SPTBN4: variants seen among roughly 807,000 people sequenced by gnomAD.
SPTBN4 encodes the protein spectrin beta, non-erythrocytic 4.
A neutral mutation model predicts 277.8 loss-of-function variants in SPTBN4; 96 were observed. The ratio of observed to expected loss-of-function variants is 0.35; its 90% CI spans 0.29 to 0.41. SPTBN4 has a LOEUF of 0.41. SPTBN4 is among the 10% of genes least tolerant of loss of function. The pLI is 1.00. For missense variants in SPTBN4, 3,006 were observed against 3,595.7 expected (o/e 0.84, Z 4.19); for synonymous variants, 1,481 against 1,580.3 (o/e 0.94, Z 1.49).
rs1382023910 is a variant in SPTBN4 at position 40,499,563 on chromosome 19, A to G, written c.784+1959A>G. The stretch of plus-strand genomic sequence containing the variant: ...CACGACCATGCTCAGCTAATTTTTG[A>G]TTTTTTTTTTTTTGGTAGAGGTGGG... On this transcript the variant is annotated intron_variant, in intron 7 of 35. Coordinates refer to ENST00000598249, the MANE Select transcript of SPTBN4 (RefSeq NM_020971.3). Among the ~76,000 whole-genome samples the G allele has an allele frequency of 2.1e-5, 3 of 140,556 alleles. No homozygotes were observed. In the East Asian group the frequency reaches 6.3e-4, roughly 29 times the overall value. 92.2% of individuals were successfully genotyped at this position (140,556 alleles called of 152,430 possible).
At chr19:40,469,832 C>T (rs943072886) in intron 1 of SPTBN4, among the ~76,000 whole-genome samples, 5 of 145,968 alleles carry the variant, frequency 3.4e-5, no homozygotes, top group African/African-American at 5.1e-5. Context: ...TTAGTAGAGG[C>T]GGGGTTTCAC....
rs776989389 is a variant in SPTBN4, at chr19:40,568,271, C to A, written c.6945C>A (p.Asp2315Glu). The A allele has an allele frequency of 1.2e-6, 2 of 1,605,028 alleles. No homozygotes were observed. The highest frequency in any genetic ancestry group is 1.7e-6 in the Non-Finnish European group (2 of 1,176,082). Residue 2315 changes from aspartate (D) to glutamate (E), a missense_variant, in exon 31 of 36, where the codon GAC becomes GAA. Physicochemically the swap from Asp to Glu is conservative, Grantham distance 45. Coordinates refer to ENST00000598249, the MANE Select transcript of SPTBN4 (RefSeq NM_020971.3). ...SSEQEMPIRG[D>E]LVKGKATLAD... ...AACAGGAGATGCCCATCAGAGGAGA[C>A]CTGGTCAAGGGGTGAGGTGCCCGCC...
intron 35 of SPTBN4, among the ~76,000 whole-genome samples, chr19:40,574,495 G>A (rs2081183045): frequency 6.6e-6 from 1 of 151,938 alleles, no homozygotes; most frequent in South Asian, 2.1e-4. Flanking sequence ...CTGGGTGACT[G>A]GGATTACAGG....
chr19:40,519,435 A>G lies in SPTBN4; in HGVS notation c.2938A>G (p.Lys980Glu), dbSNP rs1276576333. 6.3e-7 allele frequency: 1 copy of G among 1,599,612 alleles called. No homozygotes were observed. Among genetic ancestry groups the G allele is most frequent in the African/African-American group, 1.4e-5 (1 of 73,784 alleles). ...CATCGTGGAGCTAGTGGAACAGCGC[A>G]AAGAGGAAATGAGCGCGGTGCTGCT... ...NRIVELVEQR[K>E]EEMSAVLLVE... Residue 980 changes from lysine to glutamate, a missense_variant, in exon 16 of 36, where the codon AAA (lysine) becomes GAA (glutamate). By Grantham distance (56) the Lys-to-Glu change is moderately conservative (BLOSUM62 1). Coordinates refer to ENST00000598249, the MANE Select transcript of SPTBN4 (RefSeq NM_020971.3). This position sits in a 1 kb window ranked among gnomAD's most constrained non-coding sequence, Gnocchi z 5.7.
Position 40,560,291 on chromosome 19 carries a change from C to T in SPTBN4, c.5803C>T (p.Arg1935Cys), listed in dbSNP as rs754532847. The change falls in exon 27 of 36, where the codon CGC becomes TGC. Residue 1935 changes from arginine to cysteine, a missense_variant. Transcript: ENST00000598249. This position sits in a 1 kb window ranked among gnomAD's most constrained non-coding sequence, Gnocchi z 5.2. ...GCTGCTGTCAGCCTGTGAGGATGCCCGCCTGCATGTCAGCTCCACAGCCGA... is the reference window on the plus strand; with the variant it reads ...GCTGCTGTCAGCCTGTGAGGATGCCTGCCTGCATGTCAGCTCCACAGCCGA... Reference protein sequence around the residue: ...KELLSACEDARLHVSSTADAL... With the variant: ...KELLSACEDACLHVSSTADAL... 1.2e-6 allele frequency: 2 copies of T among 1,614,052 alleles called. No homozygotes were observed. The highest frequency in any genetic ancestry group is 1.1e-5 in the South Asian group (1 of 91,088).
chr19:40,531,465 T>C (rs1442390502), intron 18 of SPTBN4, among the ~76,000 whole-genome samples: 2 of 17,598 alleles, frequency 1.1e-4, no homozygotes, highest in Non-Finnish European at 3.1e-4. Flanking sequence ...CCAGTGTTTG[T>C]TTTTTTTTTT....
intron 18 of SPTBN4, among the ~76,000 whole-genome samples, chr19:40,529,531 G>A (rs2080638754): frequency 6.6e-6 from 1 of 152,192 alleles, no homozygotes; most frequent in African/African-American, 2.4e-5. Context: ...CCTGCAGCCA[G>A]CGATGGCTCT....
At chr19:40,508,640 A>G (rs1043204100) in intron 13 of SPTBN4, among the ~76,000 whole-genome samples, 1 of 152,166 alleles carries the variant, frequency 6.6e-6, no homozygotes, top group Non-Finnish European at 1.5e-5. Context: ...GTGAGCCTAG[A>G]TCGTGCCACT....
chr19:40,482,182 C>T (rs1238301374), intron 2 of SPTBN4, among the ~76,000 whole-genome samples: 3 of 151,984 alleles, frequency 2.0e-5, no homozygotes, highest in Non-Finnish European at 2.9e-5. Context: ...GGTGATCGAC[C>T]CACCTCTGCC....
At chr19:40,505,751 G>A (rs570554676) in intron 12 of SPTBN4, among the ~76,000 whole-genome samples, 9 of 144,266 alleles carry the variant, frequency 6.2e-5, no homozygotes, top group African/African-American at 1.8e-4. Flanking sequence ...AGGAAGGAAG[G>A]AAGAAAGAAA....
chr19:40,572,000 C>T lies in SPTBN4; in HGVS notation c.7320-19C>T. The T allele has an allele frequency of 1.3e-6, 2 of 1,528,642 alleles. No individual in the cohort carries two copies. Among genetic ancestry groups the T allele is most frequent in the South Asian group, 1.3e-5 (1 of 78,640 alleles). The allele number at this position is 1,528,642 out of a possible 1,614,324, so 94.7% of individuals were successfully genotyped here. The stretch of plus-strand genomic sequence containing the variant: ...CAGAGTGCTGCGGCTCTGCCTTGAG[C>T]CCCATCTTGTCGCTCCAGGTCGTGG... On this transcript the variant is annotated intron_variant, in intron 33 of 35. Coordinates refer to ENST00000598249, the MANE Select transcript of SPTBN4 (RefSeq NM_020971.3).
At chr19:40,556,052 G>A in intron 24 of SPTBN4, 32 bp from the exon 25 acceptor site, 3 of 1,585,202 alleles carry the variant, frequency 1.9e-6, no homozygotes, top group East Asian at 4.6e-5. Context: ...AGTCTCAGGG[G>A]TCCATCCCTG....
chr19:40,563,936 A>G (rs1326779300), intron 27 of SPTBN4, among the ~76,000 whole-genome samples: 2 of 151,808 alleles, frequency 1.3e-5, no homozygotes, highest in African/African-American at 4.8e-5. Flanking sequence ...AATCCCAGCT[A>G]CTCGGGAGGC....
At chr19:40,566,671 T>G (rs1308651541) in intron 30 of SPTBN4, among the ~76,000 whole-genome samples, 2 of 152,026 alleles carry the variant, frequency 1.3e-5, no homozygotes, top group African/African-American at 2.4e-5. Context: ...AATGTAGTAA[T>G]AAAAAGGATT....
chr19:40,468,493 C>T (rs1303880742), intron 1 of SPTBN4, among the ~76,000 whole-genome samples: 1 of 152,210 alleles, frequency 6.6e-6, no homozygotes, highest in Non-Finnish European at 1.5e-5. Context: ...TCTCCTGCCT[C>T]AGCCTCCCAA....
At position 40,547,870 on chromosome 19, in the gene SPTBN4, A is replaced by G. The variant is rs138241007; in HGVS notation, c.4360-1319A>G. On this transcript the variant is annotated intron_variant, in intron 20 of 35. Transcript: ENST00000598249. ...ATAAATCTTTCCCTTTATGTTTTTT[A>G]TGCTTGGAAAGATTTTTCTCCATCC... Among the ~76,000 whole-genome samples the G allele has an allele frequency of 4.1e-3, 620 of 152,154 alleles. 3 individuals carry two copies. Among genetic ancestry groups the G allele is most frequent in the African/African-American group, 0.014 (596 of 41,492 alleles).
chr19:40,569,569 A>C, intron 31 of SPTBN4, 88 bp from the exon 32 acceptor site: 1 of 1,363,622 alleles, frequency 7.3e-7, no homozygotes, highest in Non-Finnish European at 1.0e-6. Flanking sequence ...CTTCCAGCTA[A>C]GAAGTGGAGG....
At position 40,544,440 on chromosome 19, in the gene SPTBN4, C is replaced by CTTTTTTTT. The variant is rs3071333; in HGVS notation, c.4360-4732_4360-4725dup. On this transcript the variant is annotated intron_variant, in intron 20 of 35. Transcript: ENST00000598249. ...TACAGGCATGAGCCATTGTGCCCGG[C>CTTTTTTTT]TTTTTTTTTTTTTTTTTTTTTTTTG... Among the ~76,000 whole-genome samples the CTTTTTTTT allele has an allele frequency of 1.4e-3, 75 of 51,750 alleles. 3 individuals carry two copies. The highest frequency in any genetic ancestry group is 1.7e-3 in the Non-Finnish European group (53 of 30,300). 34.0% of individuals were successfully genotyped at this position (51,750 alleles called of 152,430 possible). A position where few individuals can be genotyped will look rare whatever the true frequency, so the allele number is the denominator to read the frequency against.
In SPTBN4 at chr19:40,519,553, C is replaced by CCCTG. The variant is rs2080499451; in HGVS notation, c.3058_3061dup (p.Gln1021ProfsTer6). The CCCTG allele has an allele frequency of 6.4e-7, 1 of 1,569,096 alleles. No individual in the cohort carries two copies. Among genetic ancestry groups the CCCTG allele is most frequent in the Admixed American group, 1.9e-5 (1 of 52,510 alleles). ...GAGAGCGCGCCCCGGGCCGGCGGCG[C>CCCTG]CCTGCAGTGGCGTCTTAGCGGCCTA... is the stretch of plus-strand genomic sequence containing the variant. On this transcript the variant is annotated frameshift_variant, in exon 16 of 36. Transcript: ENST00000598249. LOFTEE classifies it high-confidence loss of function. The surrounding 1 kb of genome is among the most constrained non-coding windows in gnomAD (Gnocchi z 5.7).
Sources: gnomAD v4.1 joint callset for allele counts (sites outside exome capture counted in the v4.1 genomes callset) on GRCh38, gnomAD v4.1.1 for gene constraint, Gnocchi (gnomAD v3.1) non-coding constraint, MANE v1.5 for transcripts, NCBI Gene and HGNC (gene_info 2026-07-23, HGNC 2026-07-21) for gene names.